Variants in ATP8B1 observed in about 807,000 individuals in gnomAD.
ATP8B1 encodes phospholipid-transporting ATPase IC.
In ATP8B1, 80 loss-of-function variants were observed where a neutral mutation model predicts 149.9. The observed-to-expected ratio is 0.53, with a 90% confidence interval of 0.45 to 0.64. ATP8B1 has a LOEUF of 0.64. Among genes scored for constraint, ATP8B1 ranks in the 30% least tolerant of loss-of-function variants. The pLI, the probability that ATP8B1 is intolerant of heterozygous loss-of-function variation, is 0.00. For missense variants in ATP8B1, 1,247 were observed against 1,552.6 expected, an observed-to-expected ratio of 0.80 and a Z score of 3.31; for synonymous variants, 536 against 562.8, an observed-to-expected ratio of 0.95 and a Z score of 0.67.
chr18:57,800,633 C>T (rs1023831923), intron 1 of ATP8B1, among the ~76,000 whole-genome samples: 5 of 152,146 alleles, frequency 3.3e-5, no homozygotes, highest in African/African-American at 1.2e-4. Context: ...AACATTCAAA[C>T]ACTGACTATA....
At chr18:57,766,055 T>C (rs991114285) in intron 1 of ATP8B1, among the ~76,000 whole-genome samples, 1 of 151,944 alleles carries the variant, frequency 6.6e-6, no homozygotes, top group Non-Finnish European at 1.5e-5. Flanking sequence ...TTTCTTTTCT[T>C]TTTTTGAGAC....
chr18:57,766,999 C>T (rs2080216585), intron 1 of ATP8B1, among the ~76,000 whole-genome samples: 1 of 152,024 alleles, frequency 6.6e-6, no homozygotes, highest in Non-Finnish European at 1.5e-5. Flanking sequence ...GTAAGAACAG[C>T]CTGTTCTTGA....
At chr18:57,794,983 C>T (rs1157742231) in intron 1 of ATP8B1, among the ~76,000 whole-genome samples, 2 of 152,104 alleles carry the variant, frequency 1.3e-5, no homozygotes, top group Admixed American at 6.5e-5. Context: ...TACTATAATA[C>T]GTGGCCCTGC....
At chr18:57,733,941 G>A (rs2079819103) in intron 1 of ATP8B1, 1 of 152,076 alleles carries the variant, frequency 6.6e-6, no homozygotes, top group African/African-American at 2.4e-5. Context: ...TTTTTACCAA[G>A]TATTATGTAA....
rs979377103 is a variant in ATP8B1 at position 57,784,006 on chromosome 18, A to G, written c.-26+18992T>C. Among the ~76,000 whole-genome samples the G allele has an allele frequency of 6.6e-6, 1 of 152,160 alleles. No homozygotes were observed. Among genetic ancestry groups the G allele is most frequent in the Non-Finnish European group, 1.5e-5 (1 of 68,012 alleles). ...GCTACTTGAAAAAGAAAGAGTGAGC[A>G]GAGGACATAACTCAGGAGGGACTCC... On this transcript the variant is annotated intron_variant, in intron 1 of 27. Coordinates refer to ENST00000648908, the MANE Select transcript of ATP8B1 (RefSeq NM_001374385.1). The surrounding 1 kb of genome is among the most constrained non-coding windows in gnomAD (Gnocchi z 4.4).
At chr18:57,762,700 T>C (rs940403228) in intron 1 of ATP8B1, among the ~76,000 whole-genome samples, 1 of 152,230 alleles carries the variant, frequency 6.6e-6, no homozygotes, top group African/African-American at 2.4e-5. Flanking sequence ...CAGTGGTGCA[T>C]GTGCCCAGCA....
At chr18:57,767,783 C>A (rs2080226595) in intron 1 of ATP8B1, among the ~76,000 whole-genome samples, 2 of 125,228 alleles carry the variant, frequency 1.6e-5, no homozygotes, top group Non-Finnish European at 1.7e-5. Flanking sequence ...GAGCAAAACT[C>A]CATCTAAAAA....
At position 57,782,320 on chromosome 18, in the gene ATP8B1, A is replaced by G. The variant is rs563093782; in HGVS notation, c.-26+20678T>C. ...GCCACCCACAGCTGCTGCGTTGCAG[A>G]CGCCAATCCAGCATCCTTACGTTAC... On this transcript the variant is annotated intron_variant, in intron 1 of 27. Coordinates refer to ENST00000648908, the MANE Select transcript of ATP8B1 (RefSeq NM_001374385.1). Among the ~76,000 whole-genome samples the G allele has an allele frequency of 1.6e-4, 24 of 152,384 alleles. No homozygotes were observed. The South Asian group carries it at 3.7e-3, about 24-fold the overall frequency.
At chr18:57,772,999 C>T (rs1352110774) in intron 1 of ATP8B1, among the ~76,000 whole-genome samples, 4 of 151,910 alleles carry the variant, frequency 2.6e-5, no homozygotes, top group African/African-American at 9.7e-5. Context: ...CCTGTAATTC[C>T]AACACTACGG....
chr18:57,777,194 T>C (rs142233325), intron 1 of ATP8B1, among the ~76,000 whole-genome samples: 10 of 152,306 alleles, frequency 6.6e-5, no homozygotes, highest in African/African-American at 2.4e-4. Flanking sequence ...CCCAGGCTAG[T>C]CTTGAACTTT....
intron 14 of ATP8B1, among the ~76,000 whole-genome samples, 175 bp from the exon 15 acceptor site, chr18:57,684,367 C>CTT (rs1014520345): frequency 1.4e-5 from 2 of 146,356 alleles, no homozygotes; most frequent in African/African-American, 2.5e-5. Context: ...AGCTCCCCCC[C>CTT]TTTTTTTTTT....
chr18:57,725,634 GA>G (rs1282128181), intron 2 of ATP8B1, among the ~76,000 whole-genome samples: 2 of 152,156 alleles, frequency 1.3e-5, no homozygotes, highest in Non-Finnish European at 2.9e-5. Context: ...CAAATTATAT[GA>G]CAGAGCTATA....
At chr18:57,701,633 A>G (rs319457) in intron 4 of ATP8B1, among the ~76,000 whole-genome samples, 125,023 of 152,084 alleles carry the variant, frequency 0.82, 52,533 homozygotes, top group East Asian at 0.95. Context: ...TTTTGTGAAA[A>G]TCATATTTAA....
chr18:57,661,359 C>T lies in ATP8B1; in HGVS notation c.2522G>A (p.Arg841Lys), dbSNP rs1910390157. ...CCGCTGCTCTTTCTTAGCTTCTAGC[C>T]TCCTTTTACTTTGGGTCCGCATCCG... ...ERRMRTQSKR[R>K]LEAKKEQRQK... The change falls in exon 22 of 28, where the codon AGG (arginine) becomes AAG (lysine). Residue 841 changes from arginine to lysine, a missense_variant. Transcript: ENST00000648908. 1.9e-6 allele frequency: 3 copies of T among 1,613,982 alleles called. No homozygotes were observed. The highest frequency in any genetic ancestry group is 1.1e-5 in the South Asian group (1 of 91,070).
chr18:57,695,436 T>G lies in ATP8B1; in HGVS notation c.781+14A>C. 1 of 1,607,808 alleles carries G rather than the reference T, an allele frequency of 6.2e-7. No homozygotes were observed. The highest frequency in any genetic ancestry group is 8.5e-7 in the Non-Finnish European group (1 of 1,174,290). On this transcript the variant is annotated intron_variant, in intron 9 of 27. Transcript: ENST00000648908. ...CTAAAATTTAAAGCAAAGTAAGACA[T>G]GTTTGGTACAAACCATCAAATGTAG...
At chr18:57,716,266 A>C (rs1177999709) in intron 2 of ATP8B1, among the ~76,000 whole-genome samples, 1 of 152,212 alleles carries the variant, frequency 6.6e-6, no homozygotes, top group Non-Finnish European at 1.5e-5. Flanking sequence ...ACTAAAAGGC[A>C]GAAGGGAAGG....
Position 57,648,605 on chromosome 18 carries a change from G to A in ATP8B1, c.3639C>T (p.His1213=), listed in dbSNP as rs1433359685. 2 of 1,610,890 alleles carry A rather than the reference G, an allele frequency of 1.2e-6. No individual in the cohort carries two copies. Among genetic ancestry groups the A allele is most frequent in the Non-Finnish European group, 1.7e-6 (2 of 1,179,652 alleles). The part of the protein sequence containing the change: ...STRRSAYAFS[H]QRGYADLISS... ...AGATGAGGTCCGCGTAGCCCCGCTG[G>A]TGCGAGAAGGCGTAGGCCGAGCGCC... The change falls in exon 28 of 28, where the codon CAC becomes CAT. Residue 1213 remains histidine, a synonymous_variant. Coordinates refer to ENST00000648908, the MANE Select transcript of ATP8B1 (RefSeq NM_001374385.1).
chr18:57,778,719 A>T (rs1289096609), intron 1 of ATP8B1, among the ~76,000 whole-genome samples: 1 of 152,182 alleles, frequency 6.6e-6, no homozygotes, highest in Non-Finnish European at 1.5e-5. Context: ...GGCCAGCTCC[A>T]GTTCTTTGCC....
At chr18:57,649,190 A>ATATCTATCTGTCTATCTATC (rs1909429210) in intron 27 of ATP8B1, among the ~76,000 whole-genome samples, 1 of 148,096 alleles carries the variant, frequency 6.8e-6, no homozygotes, top group Non-Finnish European at 1.5e-5. Flanking sequence ...GTGCTTGGCT[A>ATATCTATCTGTCTATCTATC]TATCTATCTA....
Sources: allele counts gnomAD v4.1 joint callset (sites outside exome capture counted in the v4.1 genomes callset), GRCh38; gene constraint gnomAD v4.1.1; non-coding constraint Gnocchi (gnomAD v3.1); transcripts MANE v1.5; gene names NCBI Gene and HGNC (gene_info 2026-07-23, HGNC 2026-07-21).